The following TENM4 variants were observed in gnomAD, a reference collection of about 807,000 sequenced individuals.
The protein encoded by TENM4 is teneurin-4.
TENM4 carries 82 observed loss-of-function variants against 243.3 expected under a neutral mutation model. The observed-to-expected ratio is 0.34, with a 90% CI of 0.28 to 0.40. TENM4 has a LOEUF of 0.40. Among genes scored for constraint, TENM4 ranks in the 10% least tolerant of loss-of-function variants. TENM4 has a pLI of 1.00. For missense variants in TENM4, 3,138 were observed against 3,673.3 expected, an observed-to-expected ratio of 0.85 and a Z score of 3.77; for synonymous variants, 1,412 against 1,456.3, an observed-to-expected ratio of 0.97 and a Z score of 0.69.
In TENM4 at chr11:78,732,435, C is replaced by T; in HGVS notation, c.3019G>A (p.Glu1007Lys). Residue 1007 changes from glutamate (E) to lysine (K), a missense_variant, in exon 21 of 34, where the codon GAG becomes AAG. This residue lies in a region of TENM4 where 2,467 missense variants were observed against 3,059.1 expected (regional missense o/e 0.81). Transcript: ENST00000278550. ...ETIIMRHEEN[E>K]IPSCDLSNFA... Reference sequence around the variant, plus strand: ...TTGCTCAGGTCACAGCTGGGAATCTCATTCTCCTCATGTCTCATGATGATG... The same window carrying T: ...TTGCTCAGGTCACAGCTGGGAATCTTATTCTCCTCATGTCTCATGATGATG... The T allele has an allele frequency of 6.2e-7, 1 of 1,613,918 alleles. No individual in the cohort carries two copies. Among genetic ancestry groups the T allele is most frequent in the Non-Finnish European group, 8.5e-7 (1 of 1,179,866 alleles).
intron 2 of TENM4, among the ~76,000 whole-genome samples, chr11:79,255,736 T>G (rs927107311): frequency 6.6e-6 from 1 of 152,240 alleles, no homozygotes; most frequent in Non-Finnish European, 1.5e-5. Context: ...AATCCTTTAT[T>G]CTTTCTTTCC....
At chr11:78,911,502 G>A (rs377477874) in intron 6 of TENM4, among the ~76,000 whole-genome samples, 116 of 152,312 alleles carry the variant, frequency 7.6e-4, no homozygotes, top group African/African-American at 2.5e-3. Flanking sequence ...AGAGAGAGAG[G>A]CTGGAGTAAC....
intron 6 of TENM4, among the ~76,000 whole-genome samples, chr11:79,043,369 T>C (rs1342063970): frequency 2.0e-5 from 3 of 152,146 alleles, no homozygotes; most frequent in Non-Finnish European, 4.4e-5. Context: ...AGTGGGGCCA[T>C]ATGAGTAATT....
chr11:79,426,342 T>C (rs189619966), intron 1 of TENM4, among the ~76,000 whole-genome samples: 3 of 152,294 alleles, frequency 2.0e-5, no homozygotes, highest in African/African-American at 4.8e-5. Context: ...GACAGGTGGA[T>C]GTCTGTAGGG....
chr11:79,301,431 C>A (rs951940177), intron 1 of TENM4, among the ~76,000 whole-genome samples: 2 of 152,140 alleles, frequency 1.3e-5, no homozygotes, highest in Non-Finnish European at 2.9e-5. Context: ...CCTGGCTGAC[C>A]CAAATGAACT....
chr11:79,114,779 C>A (rs974322829), intron 4 of TENM4, among the ~76,000 whole-genome samples: 5 of 152,186 alleles, frequency 3.3e-5, no homozygotes, highest in African/African-American at 1.2e-4. Flanking sequence ...CAGGACAGAG[C>A]AACATAGAAG....
intron 2 of TENM4, among the ~76,000 whole-genome samples, chr11:79,237,183 G>T (rs1472135959): frequency 6.8e-6 from 1 of 146,020 alleles, no homozygotes; most frequent in East Asian, 1.9e-4. Context: ...AAAGAGAAGA[G>T]ATTTTTTTAT....
At chr11:78,954,171 C>T (rs1322655407) in intron 6 of TENM4, among the ~76,000 whole-genome samples, 3 of 152,200 alleles carry the variant, frequency 2.0e-5, no homozygotes, top group Admixed American at 2.0e-4. Flanking sequence ...GAGCTCAAAG[C>T]ACCCAGCTCA....
chr11:78,914,544 C>T (rs1856270375), intron 6 of TENM4, among the ~76,000 whole-genome samples: 1 of 152,174 alleles, frequency 6.6e-6, no homozygotes, highest in Non-Finnish European at 1.5e-5. Flanking sequence ...TAATGAGCCT[C>T]AACCTCCTGC....
chr11:79,153,990 C>A (rs1480559980), intron 3 of TENM4, among the ~76,000 whole-genome samples: 1 of 152,140 alleles, frequency 6.6e-6, no homozygotes, highest in Non-Finnish European at 1.5e-5. Context: ...CTTTCAGACT[C>A]AAAAACACTG....
At chr11:79,066,732 G>GCACGCACACA (rs1179988635) in intron 5 of TENM4, among the ~76,000 whole-genome samples, 2 of 146,588 alleles carry the variant, frequency 1.4e-5, no homozygotes, top group African/African-American at 5.2e-5. Context: ...GCACACACGC[G>GCACGCACACA]CACGCACATG....
chr11:78,970,639 A>G (rs1857523061), intron 6 of TENM4, among the ~76,000 whole-genome samples: 2 of 152,236 alleles, frequency 1.3e-5, no homozygotes, highest in Non-Finnish European at 2.9e-5. Flanking sequence ...AAGCAGTCCA[A>G]GATCCTTTCC....
chr11:79,436,900 C>T (rs1859282616), intron 1 of TENM4, among the ~76,000 whole-genome samples: 1 of 152,244 alleles, frequency 6.6e-6, no homozygotes, highest in African/African-American at 2.4e-5. Context: ...ACCCTGCCCT[C>T]CCCTCAGTTC....
intron 25 of TENM4, among the ~76,000 whole-genome samples, chr11:78,715,722 T>C (rs1416170427): frequency 6.6e-6 from 1 of 152,230 alleles, no homozygotes; most frequent in African/African-American, 2.4e-5. Context: ...GTCGAATGAC[T>C]AAGTCCCTGC....
chr11:78,794,959 C>T (rs1857132958), intron 15 of TENM4, among the ~76,000 whole-genome samples: 1 of 152,202 alleles, frequency 6.6e-6, no homozygotes. Context: ...TGCTGGCTGC[C>T]TTGGCAAACA....
At chr11:78,906,366 G>A (rs2136337602) in intron 6 of TENM4, among the ~76,000 whole-genome samples, 1 of 152,278 alleles carries the variant, frequency 6.6e-6, no homozygotes, top group Middle Eastern at 3.4e-3. Flanking sequence ...TGGAATGTCT[G>A]TCCATGGCTA....
chr11:79,062,028 C>T (rs1009347745), intron 6 of TENM4, among the ~76,000 whole-genome samples: 2 of 147,680 alleles, frequency 1.4e-5, no homozygotes, highest in African/African-American at 5.0e-5. Flanking sequence ...GTGGTGCAAT[C>T]TTGGCTCATG....
intron 33 of TENM4, among the ~76,000 whole-genome samples, chr11:78,660,482 A>C (rs760330677): frequency 1.6e-4 from 25 of 152,156 alleles, no homozygotes; most frequent in Non-Finnish European, 3.2e-4. Context: ...AAGTGCCACC[A>C]GCGTACAGGG....
intron 1 of TENM4, among the ~76,000 whole-genome samples, chr11:79,360,445 C>T (rs1050829938): frequency 2.6e-5 from 4 of 152,210 alleles, no homozygotes; most frequent in African/African-American, 9.6e-5. Context: ...TCTCCCTCCT[C>T]AGTTGGAGTA....
Sources: allele counts gnomAD v4.1 joint callset (sites outside exome capture counted in the v4.1 genomes callset), GRCh38; gene constraint gnomAD v4.1.1; regional missense constraint gnomAD v4.1.1; transcripts MANE v1.5; gene names NCBI Gene and HGNC (gene_info 2026-07-23, HGNC 2026-07-21).